The following IQCH variants were observed in gnomAD, a reference collection of about 807,000 sequenced individuals.
IQCH encodes the protein IQ domain-containing protein H.
In IQCH, 98 loss-of-function variants were observed where a neutral mutation model predicts 117.0. The observed-to-expected ratio is 0.84, with a 90% CI of 0.71 to 0.99. The LOEUF (loss-of-function observed/expected upper bound fraction) is 0.99. Among genes scored for constraint, IQCH ranks in the 50% least tolerant of loss-of-function variants. The pLI, the probability that IQCH is intolerant of heterozygous loss-of-function variation, is 0.00. For missense variants in IQCH, 1,102 were observed against 1,243.8 expected (o/e 0.89, Z 1.72); for synonymous variants, 412 against 448.2 (o/e 0.92, Z 1.02).
In IQCH at chr15:67,344,173, C is replaced by G; in HGVS notation, c.619C>G (p.Arg207Gly). The G allele has an allele frequency of 6.2e-7, 1 of 1,613,364 alleles. No homozygotes were observed. The highest frequency in any genetic ancestry group is 8.5e-7 in the Non-Finnish European group (1 of 1,179,602). The change falls in exon 6 of 21, where the codon CGT becomes GGT. Residue 207 changes from arginine (R) to glycine (G), a missense_variant. By Grantham distance (125) the Arg-to-Gly change is moderately radical. Transcript: ENST00000335894. Reference protein sequence around the residue: ...AAPLHSFDEARKIPTVATFTI... With the variant: ...AAPLHSFDEAGKIPTVATFTI... ...TCCTCTGCATAGTTTTGATGAAGCA[C>G]GTAAGATTCCAACTGTAGGTAAGAT...
At position 67,474,067 on chromosome 15, in the gene IQCH, A is replaced by AGTGT. The variant is rs36050088; in HGVS notation, c.2677-1595_2677-1592dup. ...GTCACCAAAAGTGCCACGAAATCTG[A>AGTGT]GTGTGTGTGTGTGTGTGTGTGTGTG... On this transcript the variant is annotated intron_variant, in intron 17 of 20. Coordinates refer to ENST00000335894, the MANE Select transcript of IQCH (RefSeq NM_001031715.3). This position sits in a 1 kb window ranked among gnomAD's most constrained non-coding sequence, Gnocchi z 4.1. Among the ~76,000 whole-genome samples, 6,894 of 138,234 alleles carry AGTGT rather than the reference A, an allele frequency of 0.05. 300 individuals are homozygous for AGTGT. Among genetic ancestry groups the AGTGT allele is most frequent in the East Asian group, 0.21 (962 of 4,684 alleles). 90.7% of individuals were successfully genotyped at this position (138,234 alleles called of 152,430 possible).
intron 16 of IQCH, among the ~76,000 whole-genome samples, chr15:67,451,723 G>T (rs1596404729): frequency 6.6e-6 from 1 of 152,312 alleles, no homozygotes; most frequent in South Asian, 2.1e-4. Context: ...GGAGAGTTCT[G>T]TAGATGTCTA....
rs962454754 is a variant in IQCH, at chr15:67,479,173, G to A, written c.2799+3355G>A. 3.3e-5 allele frequency among the ~76,000 whole-genome samples: 5 copies of A among 152,098 alleles called. No individual in the cohort carries two copies. The highest frequency in any genetic ancestry group is 3.9e-4 in the East Asian group (2 of 5,186). ...CCAGCATTTATGGAGTGCCTACTGC[G>A]TACTGGCCTCTGAGCTGAGCACTTT... On this transcript the variant is annotated intron_variant, in intron 18 of 20. Coordinates refer to ENST00000335894, the MANE Select transcript of IQCH (RefSeq NM_001031715.3). This position sits in a 1 kb window ranked among gnomAD's most constrained non-coding sequence, Gnocchi z 4.6.
intron 18 of IQCH, among the ~76,000 whole-genome samples, chr15:67,488,657 G>A (rs533451231): frequency 4.6e-5 from 7 of 152,288 alleles, no homozygotes; most frequent in East Asian, 1.9e-4. Flanking sequence ...TTCCATGGAC[G>A]TGGAGGTGGG....
In IQCH at chr15:67,458,011, T is replaced by A. The variant is rs896654558; in HGVS notation, c.2506-7116T>A. Among the ~76,000 whole-genome samples the A allele has an allele frequency of 2.0e-5, 3 of 152,176 alleles. No homozygotes were observed. Among genetic ancestry groups the A allele is most frequent in the Non-Finnish European group, 4.4e-5 (3 of 68,038 alleles). ...CTCACTTCTCACCAATCCAGGAGAA[T>A]CTTGAGCCCCAGGCCCAGAAGTGAG... On this transcript the variant is annotated intron_variant, in intron 16 of 20. Coordinates refer to ENST00000335894, the MANE Select transcript of IQCH (RefSeq NM_001031715.3). The surrounding 1 kb of genome is among the most constrained non-coding windows in gnomAD (Gnocchi z 4.1).
intron 6 of IQCH, among the ~76,000 whole-genome samples, chr15:67,347,173 C>T (rs1329189770): frequency 8.3e-6 from 1 of 121,150 alleles, no homozygotes. Flanking sequence ...ATAATAGAGA[C>T]AAAAGTAGAA....
intron 1 of IQCH, among the ~76,000 whole-genome samples, chr15:67,256,474 A>G (rs368696310): frequency 2.0e-5 from 3 of 152,130 alleles, no homozygotes. Context: ...GGATCAAAAC[A>G]CCCATTATAA....
rs180777200 is a variant in IQCH, at chr15:67,496,648, C to A, written c.2970+2282C>A. On this transcript the variant is annotated intron_variant, in intron 20 of 20. Coordinates refer to ENST00000335894, the MANE Select transcript of IQCH (RefSeq NM_001031715.3). The surrounding 1 kb of genome is among the most constrained non-coding windows in gnomAD (Gnocchi z 4.4). The stretch of plus-strand genomic sequence containing the variant: ...TTACTTGCACTCAGGAGTTTGAGAC[C>A]AGCCTGGGCAACATAGCAAGACCTC... 1.9e-4 allele frequency among the ~76,000 whole-genome samples: 29 copies of A among 152,078 alleles called. No homozygotes were observed. The highest frequency in any genetic ancestry group is 7.0e-4 in the African/African-American group (29 of 41,478).
chr15:67,257,500 A>C (rs1356252054), intron 1 of IQCH, among the ~76,000 whole-genome samples: 1 of 152,260 alleles, frequency 6.6e-6, no homozygotes, highest in Admixed American at 6.5e-5. Context: ...TCCAGTTTAC[A>C]GAAGACACTT....
intron 14 of IQCH, among the ~76,000 whole-genome samples, chr15:67,400,589 A>ATCCT (rs1971621884): frequency 6.9e-6 from 1 of 145,496 alleles, no homozygotes; most frequent in African/African-American, 2.6e-5. Flanking sequence ...GGCTCAAGGG[A>ATCCT]TCCTTCCACC....
intron 6 of IQCH, among the ~76,000 whole-genome samples, chr15:67,345,138 C>T (rs1387613665): frequency 6.6e-6 from 1 of 152,134 alleles, no homozygotes; most frequent in African/African-American, 2.4e-5. Flanking sequence ...TACAGGCACC[C>T]ATCACCACGC....
At chr15:67,322,180 G>A (rs546999763) in intron 4 of IQCH, among the ~76,000 whole-genome samples, 28 of 152,078 alleles carry the variant, frequency 1.8e-4, no homozygotes, top group African/African-American at 6.7e-4. Context: ...GTGTTTTCCT[G>A]GTTATAAGAA....
At chr15:67,484,056 A>G (rs1567226489) in intron 18 of IQCH, among the ~76,000 whole-genome samples, 1 of 152,190 alleles carries the variant, frequency 6.6e-6, no homozygotes, top group Non-Finnish European at 1.5e-5. Context: ...AAAAAACTAA[A>G]CACAAAGCAT....
intron 18 of IQCH, among the ~76,000 whole-genome samples, chr15:67,480,109 T>C (rs1327003521): frequency 6.6e-6 from 1 of 152,188 alleles, no homozygotes; most frequent in Non-Finnish European, 1.5e-5. Flanking sequence ...CACACATACA[T>C]AGGCAATGTG....
intron 14 of IQCH, among the ~76,000 whole-genome samples, chr15:67,402,859 T>C (rs888558938): frequency 2.0e-5 from 3 of 152,218 alleles, no homozygotes; most frequent in Admixed American, 2.0e-4. Flanking sequence ...CAGTGCTGTT[T>C]ATGGGAGCTT....
rs2083706894 is a variant in IQCH at position 67,493,160 on chromosome 15, C to G, written c.2862-1098C>G. ...TTTAGTCCTTTTCTACTGTTTTCTG[C>G]CCATCTTAATCTCATCCCTAACTGC... is the stretch of plus-strand genomic sequence containing the variant. On this transcript the variant is annotated intron_variant, in intron 19 of 20. Coordinates refer to ENST00000335894, the MANE Select transcript of IQCH (RefSeq NM_001031715.3). This position sits in a 1 kb window ranked among gnomAD's most constrained non-coding sequence, Gnocchi z 5.1. 6.6e-6 allele frequency among the ~76,000 whole-genome samples: 1 copy of G among 152,196 alleles called. No homozygotes were observed. Among genetic ancestry groups the G allele is most frequent in the Non-Finnish European group, 1.5e-5 (1 of 68,024 alleles).
intron 18 of IQCH, among the ~76,000 whole-genome samples, chr15:67,482,765 T>C (rs1235915789): frequency 6.6e-6 from 1 of 152,132 alleles, no homozygotes; most frequent in Admixed American, 6.6e-5. Context: ...TAACCTAAGA[T>C]GCTACGTGGG....
intron 18 of IQCH, among the ~76,000 whole-genome samples, chr15:67,484,670 G>C (rs2083426897): frequency 6.6e-6 from 1 of 151,438 alleles, no homozygotes; most frequent in African/African-American, 2.4e-5. Flanking sequence ...GAACTCAGCA[G>C]GCGGAGGTTG....
chr15:67,461,962 G>A (rs1160201539), intron 16 of IQCH, among the ~76,000 whole-genome samples: 1 of 152,024 alleles, frequency 6.6e-6, no homozygotes, highest in Non-Finnish European at 1.5e-5. Flanking sequence ...AAAAGCATCT[G>A]TAATGAACTT....
Sources: gnomAD v4.1 joint callset for allele counts (sites outside exome capture counted in the v4.1 genomes callset) on GRCh38, gnomAD v4.1.1 for gene constraint, Gnocchi (gnomAD v3.1) non-coding constraint, MANE v1.5 for transcripts, NCBI Gene and HGNC (gene_info 2026-07-23, HGNC 2026-07-21) for gene names.